AKAP6: variants seen among roughly 807,000 people sequenced by gnomAD.
AKAP6 encodes A-kinase anchoring protein 6, also known as A-kinase anchor protein 6.
A neutral mutation model predicts 188.5 loss-of-function variants in AKAP6; 58 were observed. The observed-to-expected ratio is 0.31, with a 90% CI of 0.25 to 0.38. AKAP6 has a LOEUF of 0.38. Ranked by LOEUF, AKAP6 falls within the 10% of genes least tolerant of loss-of-function variation. The probability of loss-of-function intolerance (pLI) is 1.00; values close to 1 mark genes in which losing one functional copy is unlikely to be tolerated. For synonymous variants in AKAP6, 989 were observed against 998.6 expected (o/e 0.99, Z 0.18); for missense variants, 2,710 against 2,740.0 (o/e 0.99, Z 0.24).
chr14:32,464,285 C>G (rs1381664853), intron 2 of AKAP6, among the ~76,000 whole-genome samples: 1 of 151,952 alleles, frequency 6.6e-6, no homozygotes, highest in Non-Finnish European at 1.5e-5. Context: ...GGCAGGGACA[C>G]AACAAAAAAA....
intron 11 of AKAP6, among the ~76,000 whole-genome samples, chr14:32,762,657 A>G (rs184886735): frequency 1.4e-4 from 22 of 152,236 alleles, no homozygotes; most frequent in African/African-American, 4.6e-4. Context: ...TAAAATTAAT[A>G]CATATTTTTT....
intron 7 of AKAP6, among the ~76,000 whole-genome samples, chr14:32,635,642 GTGGATATGTTCAAGGTAA>G (rs60873569): frequency 1.2e-3 from 182 of 152,186 alleles, no homozygotes; most frequent in African/African-American, 4.1e-3. Context: ...AAAATAGACA[GTGGATATGTTCAAGGTAA>G]TTGATAATTA....
chr14:32,770,518 A>G (rs1484399020), intron 11 of AKAP6, among the ~76,000 whole-genome samples: 1 of 152,190 alleles, frequency 6.6e-6, no homozygotes, highest in Non-Finnish European at 1.5e-5. Flanking sequence ...AAGCATTTCA[A>G]ACTTTTCTGT....
At chr14:32,740,221 T>C (rs984434154) in intron 11 of AKAP6, among the ~76,000 whole-genome samples, 1 of 152,160 alleles carries the variant, frequency 6.6e-6, no homozygotes, top group Non-Finnish European at 1.5e-5. Context: ...TTGATCATAT[T>C]ATTAGATTTT....
At chr14:32,491,698 G>A (rs1880025673) in intron 2 of AKAP6, among the ~76,000 whole-genome samples, 1 of 152,146 alleles carries the variant, frequency 6.6e-6, no homozygotes, top group Non-Finnish European at 1.5e-5. Context: ...CAGTGACTTT[G>A]TGATTCTGAA....
In AKAP6 at chr14:32,488,930, A is replaced by G. The variant is rs528520202; in HGVS notation, c.325-46624A>G. On this transcript the variant is annotated intron_variant, in intron 2 of 13. Transcript: ENST00000280979. ...GCCTTCTGCGTTGGTCTTGCTGGGC[A>G]CTACAGACTGGAGCTGTTCCTATTC... 5.3e-5 allele frequency among the ~76,000 whole-genome samples: 8 copies of G among 152,284 alleles called. No homozygotes were observed. The South Asian group carries it at 1.7e-3, about 32-fold the overall frequency.
chr14:32,547,168 A>C (rs920747212), intron 4 of AKAP6, among the ~76,000 whole-genome samples, 169 bp downstream of exon 4: 53 of 152,258 alleles, frequency 3.5e-4, no homozygotes, highest in Admixed American at 3.5e-3. Flanking sequence ...TGTGACAAAG[A>C]GTATGAATCA....
At chr14:32,494,363 G>A (rs1297384372) in intron 2 of AKAP6, 1 of 152,162 alleles carries the variant, frequency 6.6e-6, no homozygotes, top group Non-Finnish European at 1.5e-5. Context: ...CTGGCATGGA[G>A]GAACTCACAT....
In AKAP6 at chr14:32,830,028, G is replaced by T; in HGVS notation, c.*223G>T. ...ATGTGTGCGCTGGTTCTCTTTAGGT[G>T]ATCGTCTTTGAAGTTCAGCAAAGCT... On this transcript the variant is annotated 3_prime_UTR_variant, in exon 14 of 14. Coordinates refer to ENST00000280979, the MANE Select transcript of AKAP6 (RefSeq NM_004274.5). 1.4e-6 allele frequency: 1 copy of T among 695,620 alleles called. No individual in the cohort carries two copies. The highest frequency in any genetic ancestry group is 1.5e-5 in the South Asian group (1 of 66,790). 43.1% of individuals were successfully genotyped at this position (695,620 alleles called of 1,614,324 possible).
chr14:32,515,517 G>T (rs1881475962), intron 2 of AKAP6, among the ~76,000 whole-genome samples: 1 of 152,102 alleles, frequency 6.6e-6, no homozygotes, highest in African/African-American at 2.4e-5. Flanking sequence ...TAAAGCTTGG[G>T]CTGTCTTATG....
chr14:32,641,469 T>TAAAA (rs35618540), intron 7 of AKAP6, among the ~76,000 whole-genome samples: 9 of 119,830 alleles, frequency 7.5e-5, no homozygotes, highest in South Asian at 2.6e-4. Flanking sequence ...GAAACCCTGC[T>TAAAA]AAAAAAAAAA....
At chr14:32,779,545 A>T (rs1440849178) in intron 12 of AKAP6, among the ~76,000 whole-genome samples, 1 of 152,160 alleles carries the variant, frequency 6.6e-6, no homozygotes, top group Admixed American at 6.5e-5. Context: ...AACAGTGTAG[A>T]TTTCAGAGCA....
intron 12 of AKAP6, among the ~76,000 whole-genome samples, chr14:32,774,481 A>C (rs1410738674): frequency 6.6e-6 from 1 of 152,316 alleles, no homozygotes; most frequent in Middle Eastern, 3.4e-3. Context: ...TAGAGTTTTA[A>C]TGCAGTGCTC....
At chr14:32,703,573 C>T (rs542027234) in intron 9 of AKAP6, among the ~76,000 whole-genome samples, 1 of 152,192 alleles carries the variant, frequency 6.6e-6, no homozygotes, top group Non-Finnish European at 1.5e-5. Flanking sequence ...TTATGTTTCT[C>T]TTGCCTGTAA....
chr14:32,416,774 C>T (rs186284858), intron 1 of AKAP6, among the ~76,000 whole-genome samples: 75 of 152,180 alleles, frequency 4.9e-4, no homozygotes, highest in Non-Finnish European at 8.1e-4. Flanking sequence ...AGGCTGGACT[C>T]CAACTCCTGA....
intron 5 of AKAP6, among the ~76,000 whole-genome samples, chr14:32,586,016 C>T (rs546029180): frequency 1.6e-4 from 24 of 152,116 alleles, no homozygotes; most frequent in Middle Eastern, 6.8e-3. Flanking sequence ...AACAGGAGAA[C>T]GACATGAAAT....
rs748400950 is a variant in AKAP6 at position 32,535,651 on chromosome 14, T to C, written c.422T>C (p.Ile141Thr). The C allele has an allele frequency of 2.5e-6, 4 of 1,614,258 alleles. No individual in the cohort carries two copies. The highest frequency in any genetic ancestry group is 3.4e-6 in the Non-Finnish European group (4 of 1,180,020). The change falls in exon 3 of 14, where the codon ATA becomes ACA. Residue 141 changes from isoleucine (I) to threonine (T), a missense_variant. By Grantham distance (89) the Ile-to-Thr change is moderately conservative. Coordinates refer to ENST00000280979, the MANE Select transcript of AKAP6 (RefSeq NM_004274.5). ...LKLLSYSVNV[I>T]VDIHAVQLLW... ...CTGCTGTCTTACTCTGTCAACGTGATAGTGGACATCCACGCAGTGCAGCTC... is the reference window on the plus strand; with the variant it reads ...CTGCTGTCTTACTCTGTCAACGTGACAGTGGACATCCACGCAGTGCAGCTC...
intron 11 of AKAP6, among the ~76,000 whole-genome samples, chr14:32,747,259 T>C (rs2031949807): frequency 6.6e-6 from 1 of 152,166 alleles, no homozygotes; most frequent in Admixed American, 6.5e-5. Context: ...TTTTAGCAGT[T>C]TTGATGTATA....
chr14:32,576,793 G>T (rs560729521), intron 4 of AKAP6, among the ~76,000 whole-genome samples: 2 of 152,210 alleles, frequency 1.3e-5, no homozygotes, highest in South Asian at 4.1e-4. Flanking sequence ...TTGGCAGGGG[G>T]ATGCTTGTCA....
Sources: gnomAD v4.1 joint callset for allele counts (sites outside exome capture counted in the v4.1 genomes callset) on GRCh38, gnomAD v4.1.1 for gene constraint, MANE v1.5 for transcripts, NCBI Gene and HGNC (gene_info 2026-07-23, HGNC 2026-07-21) for gene names.